Variants in PLCH1 observed in about 807,000 individuals in gnomAD.
The protein encoded by PLCH1 is 1-phosphatidylinositol 4,5-bisphosphate phosphodiesterase eta-1.
PLCH1 carries 60 observed loss-of-function variants against 126.7 expected under a neutral mutation model. The observed-to-expected ratio is 0.47, with a 90% CI of 0.38 to 0.59. The LOEUF (loss-of-function observed/expected upper bound fraction) is 0.59. Among genes scored for constraint, PLCH1 ranks in the 20% least tolerant of loss-of-function variants. The pLI, the probability that PLCH1 is intolerant of heterozygous loss-of-function variation, is 0.00. For missense variants in PLCH1, 1,723 were observed against 2,040.0 expected, an observed-to-expected ratio of 0.84 and a Z score of 2.99; for synonymous variants, 719 against 734.9, an observed-to-expected ratio of 0.98 and a Z score of 0.35.
chr3:155,490,679 A>G (rs1350151499), intron 19 of PLCH1, 105 bp downstream of exon 19: 1 of 651,522 alleles, frequency 1.5e-6, no homozygotes, highest in African/African-American at 1.8e-5. Flanking sequence ...GATGGGAGTT[A>G]CGGATTTTAG....
chr3:155,520,238 G>C (rs1261601962), intron 11 of PLCH1, among the ~76,000 whole-genome samples: 2 of 152,128 alleles, frequency 1.3e-5, no homozygotes, highest in East Asian at 1.9e-4. Flanking sequence ...TGCTGTCTTT[G>C]AGTGCTGGTA....
chr3:155,682,143 G>C (rs1017657988), intron 2 of PLCH1, among the ~76,000 whole-genome samples: 5 of 152,158 alleles, frequency 3.3e-5, no homozygotes, highest in Non-Finnish European at 7.3e-5. Context: ...GGACAAACTG[G>C]AAATATGCTT....
chr3:155,482,966 G>A lies in PLCH1; in HGVS notation c.3060C>T (p.Ser1020=). The change falls in exon 23 of 23, where the codon TCC becomes TCT. Residue 1020 remains serine (S), a synonymous_variant. Transcript: ENST00000460012. ...FLNFNKKLSS[S]SSALLHKDTS... Reference sequence around the variant, plus strand: ...TATCTTTGTGGAGCAGAGCACTGGAGGAGGATGATAACTTTTTGTTGAAAT... The same window carrying A: ...TATCTTTGTGGAGCAGAGCACTGGAAGAGGATGATAACTTTTTGTTGAAAT... 2 of 1,613,948 alleles carry A rather than the reference G, an allele frequency of 1.2e-6. No homozygotes were observed. The highest frequency in any genetic ancestry group is 1.7e-5 in the Admixed American group (1 of 60,024).
intron 1 of PLCH1, among the ~76,000 whole-genome samples, chr3:155,718,901 T>C (rs1480749925): frequency 6.6e-6 from 1 of 152,204 alleles, no homozygotes; most frequent in African/African-American, 2.4e-5. Context: ...ACCAGAAATA[T>C]ATGTATTTAT....
At chr3:155,462,648 G>C (rs747920806) in intron 21 of PLCH1, among the ~76,000 whole-genome samples, 2 of 152,144 alleles carry the variant, frequency 1.3e-5, no homozygotes, top group African/African-American at 2.4e-5. Context: ...TCAGACCCAG[G>C]TTATGTATCA....
chr3:155,495,940 A>G (rs1383422271), intron 15 of PLCH1, among the ~76,000 whole-genome samples: 2 of 152,228 alleles, frequency 1.3e-5, no homozygotes, highest in East Asian at 3.8e-4. Flanking sequence ...GATGTTTTAA[A>G]CATTATAGGA....
At chr3:155,541,877 A>G (rs146412959) in intron 10 of PLCH1, among the ~76,000 whole-genome samples, 2 of 152,208 alleles carry the variant, frequency 1.3e-5, no homozygotes, top group African/African-American at 4.8e-5. Flanking sequence ...GTAAAATACA[A>G]TAAAATGAAC....
intron 8 of PLCH1, among the ~76,000 whole-genome samples, chr3:155,559,481 AT>A (rs1727289955): frequency 6.6e-6 from 1 of 152,188 alleles, no homozygotes; most frequent in African/African-American, 2.4e-5. Flanking sequence ...AATAGGTCAA[AT>A]GCAAAGCTGG....
intron 11 of PLCH1, among the ~76,000 whole-genome samples, chr3:155,519,732 G>A (rs1303291284): frequency 6.3e-5 from 9 of 141,924 alleles, no homozygotes; most frequent in Non-Finnish European, 9.0e-5. Flanking sequence ...CAGAGTTGAG[G>A]AACTTTGCAT....
chr3:155,586,041 G>T (rs749165951), intron 5 of PLCH1, 24 bp downstream of exon 5: 2 of 1,608,334 alleles, frequency 1.2e-6, no homozygotes, highest in African/African-American at 1.3e-5. Context: ...TTTATATAAG[G>T]CCAGTGAAAT....
intron 14 of PLCH1, among the ~76,000 whole-genome samples, chr3:155,498,164 T>G (rs976520524): frequency 1.3e-5 from 2 of 152,206 alleles, no homozygotes; most frequent in African/African-American, 4.8e-5. Context: ...TGACTGACTG[T>G]GGAGTGGAGG....
At chr3:155,559,466 A>G (rs558555728) in intron 8 of PLCH1, among the ~76,000 whole-genome samples, 40 of 152,272 alleles carry the variant, frequency 2.6e-4, no homozygotes, top group Non-Finnish European at 1.8e-4. Flanking sequence ...AAACAAATAC[A>G]AAGAAATAGG....
chr3:155,529,163 A>C (rs971939528), intron 10 of PLCH1, among the ~76,000 whole-genome samples: 1 of 152,228 alleles, frequency 6.6e-6, no homozygotes, highest in Non-Finnish European at 1.5e-5. Flanking sequence ...TGATCTACAT[A>C]TATTTCATGC....
intron 2 of PLCH1, among the ~76,000 whole-genome samples, chr3:155,650,808 C>T (rs753325017): frequency 2.6e-5 from 4 of 152,098 alleles, no homozygotes; most frequent in Non-Finnish European, 2.9e-5. Flanking sequence ...GAGGCCGAGG[C>T]GGGTGGATTA....
intron 1 of PLCH1, among the ~76,000 whole-genome samples, chr3:155,734,277 AG>A (rs1748994246): frequency 6.6e-6 from 1 of 151,928 alleles, no homozygotes. Flanking sequence ...CAGGCAACAT[AG>A]TGAGACCTGG....
At chr3:155,634,108 C>T (rs1251983398) in intron 2 of PLCH1, among the ~76,000 whole-genome samples, 2 of 152,192 alleles carry the variant, frequency 1.3e-5, no homozygotes, top group African/African-American at 4.8e-5. Flanking sequence ...ACTTGCATTT[C>T]AATATCAAGT....
rs1560039343 is a variant in PLCH1, at chr3:155,480,762, G to A, written c.*206C>T. 3 of 548,248 alleles carry A rather than the reference G, an allele frequency of 5.5e-6. No individual in the cohort carries two copies. Among genetic ancestry groups the A allele is most frequent in the East Asian group, 3.0e-5 (1 of 33,596 alleles). The allele number at this position is 548,248 out of a possible 1,614,324, so 34.0% of individuals were successfully genotyped here. A position where few individuals can be genotyped will look rare whatever the true frequency, so the allele number is the denominator to read the frequency against. On this transcript the variant is annotated 3_prime_UTR_variant, in exon 23 of 23. Transcript: ENST00000460012. The stretch of plus-strand genomic sequence containing the variant: ...ATACAGTTTACAACAACTCAAGGGA[G>A]AAAGATCATAATAGGTACATGGGAA...
intron 2 of PLCH1, among the ~76,000 whole-genome samples, chr3:155,693,024 T>C (rs1045905138): frequency 1.3e-5 from 2 of 151,900 alleles, no homozygotes; most frequent in Non-Finnish European, 2.9e-5. Flanking sequence ...CCTCGTGATC[T>C]GCCCGCCTCG....
At chr3:155,645,130 C>A (rs1378401413) in intron 2 of PLCH1, among the ~76,000 whole-genome samples, 1 of 152,178 alleles carries the variant, frequency 6.6e-6, no homozygotes, top group African/African-American at 2.4e-5. Flanking sequence ...ATATCTCCAG[C>A]CAAATATCCC....
Sources: gnomAD v4.1 joint callset for allele counts (sites outside exome capture counted in the v4.1 genomes callset) on GRCh38, gnomAD v4.1.1 for gene constraint, MANE v1.5 for transcripts, NCBI Gene and HGNC (gene_info 2026-07-23, HGNC 2026-07-21) for gene names.